Variants in NEURL1B observed in about 807,000 individuals in gnomAD.
The protein encoded by NEURL1B is E3 ubiquitin-protein ligase NEURL1B.
NEURL1B carries 13 observed loss-of-function variants against 37.4 expected under a neutral mutation model. The observed-to-expected ratio is 0.35, with a 90% CI of 0.23 to 0.55. The LOEUF is 0.55. Ranked by LOEUF, NEURL1B falls within the 20% of genes least tolerant of loss-of-function variation. The pLI is 0.89. For synonymous variants in NEURL1B, 432 were observed against 426.6 expected (o/e 1.01, Z -0.16); for missense variants, 790 against 879.2 (o/e 0.90, Z 1.28).
rs1261657180 is a variant in NEURL1B, at chr5:172,669,866, C to T, written c.113C>T (p.Ala38Val). The change falls in exon 2 of 5, where the codon GCG becomes GTG. Residue 38 changes from alanine to valine, a missense_variant. Ala to Val is a moderately conservative substitution (Grantham distance 64). Around this residue, in one of 3 missense-constraint regions of NEURL1B, gnomAD observed 215 missense variants for 309.2 expected, o/e 0.70. Coordinates refer to ENST00000369800, the MANE Select transcript of NEURL1B (RefSeq NM_001142651.3). ...GAGCGACGCCCGGTCCTGGGCGAGG[C>T]GCCGCGCTTCCACGCGCAGGCCAAA... ...GPERRPVLGE[A>V]PRFHAQAKGK... 2.1e-6 allele frequency: 3 copies of T among 1,399,616 alleles called. No homozygotes were observed. Among genetic ancestry groups the T allele is most frequent in the African/African-American group, 1.5e-5 (1 of 65,114 alleles). 86.7% of individuals were successfully genotyped at this position (1,399,616 alleles called of 1,614,324 possible). A position where few individuals can be genotyped will look rare whatever the true frequency, so the allele number is the denominator to read the frequency against.
rs1284127195 is a variant in NEURL1B at position 172,669,800 on chromosome 5, C to T, written c.47C>T (p.Ala16Val). 3 of 1,276,976 alleles carry T rather than the reference C, an allele frequency of 2.3e-6. No individual in the cohort carries two copies. The highest frequency in any genetic ancestry group is 2.0e-6 in the Non-Finnish European group (2 of 1,004,292). The allele number at this position is 1,276,976 out of a possible 1,614,324, so 79.1% of individuals were successfully genotyped here. The change falls in exon 2 of 5, where the codon GCG (alanine) becomes GTG (valine). Residue 16 changes from alanine (A) to valine (V), a missense_variant. Transcript: ENST00000369800. ...HRTLPDPSPP[A>V]RLLATRPCCG... ...CTTTCCGCAGACCCGAGCCCACCGGCGCGCCTCCTGGCCACCCGGCCGTGC... is the reference window on the plus strand; with the variant it reads ...CTTTCCGCAGACCCGAGCCCACCGGTGCGCCTCCTGGCCACCCGGCCGTGC...
intron 1 of NEURL1B, among the ~76,000 whole-genome samples, chr5:172,645,856 AG>A (rs1446945225): frequency 3.3e-5 from 5 of 152,176 alleles, no homozygotes; most frequent in African/African-American, 1.2e-4. Flanking sequence ...TGACTCAGAG[AG>A]GGAAAGTCAG....
In NEURL1B at chr5:172,641,546, G is replaced by C; in HGVS notation, c.31+109G>C. ...CCACGGCCCTTGGAGCCCTCGGCTC[G>C]CAGCGGGCTGGAGTCTCCGGTACCT... On this transcript the variant is annotated intron_variant, in intron 1 of 4. Transcript: ENST00000369800. The surrounding 1 kb of genome is among the most constrained non-coding windows in gnomAD (Gnocchi z 6.4). The C allele has an allele frequency of 3.0e-6, 3 of 998,130 alleles. No homozygotes were observed. Among genetic ancestry groups the C allele is most frequent in the Non-Finnish European group, 3.9e-6 (3 of 772,434 alleles). 61.8% of individuals were successfully genotyped at this position (998,130 alleles called of 1,614,324 possible). A position where few individuals can be genotyped will look rare whatever the true frequency, so the allele number is the denominator to read the frequency against.
At chr5:172,652,572 G>A (rs1757687466) in intron 1 of NEURL1B, among the ~76,000 whole-genome samples, 1 of 152,160 alleles carries the variant, frequency 6.6e-6, no homozygotes, top group South Asian at 2.1e-4. Context: ...ACAGAACGTT[G>A]GACCAACTAC....
rs1280635972 is a variant in NEURL1B, at chr5:172,686,651, T to G, written c.1424-30T>G. ...AGAGCCCACCTGAGAGAGACATTGT[T>G]AACATATGTCCTCTTCTCCCTTTCG... On this transcript the variant is annotated intron_variant, in intron 4 of 4. Coordinates refer to ENST00000369800, the MANE Select transcript of NEURL1B (RefSeq NM_001142651.3). This position sits in a 1 kb window ranked among gnomAD's most constrained non-coding sequence, Gnocchi z 7.9. 6.5e-7 allele frequency: 1 copy of G among 1,534,632 alleles called. No individual in the cohort carries two copies. Among genetic ancestry groups the G allele is most frequent in the Non-Finnish European group, 8.8e-7 (1 of 1,133,672 alleles).
rs1167411236 is a variant in NEURL1B at position 172,663,719 on chromosome 5, G to A, written c.32-6066G>A. On this transcript the variant is annotated intron_variant, in intron 1 of 4. Transcript: ENST00000369800. ...GGGCACGGCTCACTGGCTGGGGCCAGCACCCACCCAAGGCCAGCAGGGCCT... is the reference window on the plus strand; with the variant it reads ...GGGCACGGCTCACTGGCTGGGGCCAACACCCACCCAAGGCCAGCAGGGCCT... Among the ~76,000 whole-genome samples, 3 of 151,734 alleles carry A rather than the reference G, an allele frequency of 2.0e-5. No individual in the cohort carries two copies. In the East Asian group the frequency reaches 5.8e-4, roughly 29 times the overall value.
chr5:172,650,584 G>A (rs1416595076), intron 1 of NEURL1B, among the ~76,000 whole-genome samples: 3 of 152,190 alleles, frequency 2.0e-5, no homozygotes, highest in Admixed American at 6.5e-5. Context: ...GTATGATCCT[G>A]GGCAAGTCTG....
chr5:172,650,977 T>TA, intron 1 of NEURL1B, among the ~76,000 whole-genome samples: 1 of 152,116 alleles, frequency 6.6e-6, no homozygotes, highest in Non-Finnish European at 1.5e-5. Context: ...CTGAATGAGT[T>TA]AGAGTGGAGC....
At chr5:172,646,908 G>C (rs1229843157) in intron 1 of NEURL1B, among the ~76,000 whole-genome samples, 1 of 151,972 alleles carries the variant, frequency 6.6e-6, no homozygotes, top group African/African-American at 2.4e-5. Context: ...GTGCAAATGG[G>C]GGTGGGATGT....
chr5:172,675,903 T>G lies in NEURL1B; in HGVS notation c.577+5573T>G, dbSNP rs1581435262. ...TCAGGGATACTCAACTTATGTCTCT[T>G]TTCTATGGAAGCCCTTTCTGGAGGT... On this transcript the variant is annotated intron_variant, in intron 2 of 4. Coordinates refer to ENST00000369800, the MANE Select transcript of NEURL1B (RefSeq NM_001142651.3). This position sits in a 1 kb window ranked among gnomAD's most constrained non-coding sequence, Gnocchi z 4.7. 6.6e-6 allele frequency among the ~76,000 whole-genome samples: 1 copy of G among 152,158 alleles called. No individual in the cohort carries two copies. Among genetic ancestry groups the G allele is most frequent in the Non-Finnish European group, 1.5e-5 (1 of 68,018 alleles).
chr5:172,684,131 T>C lies in NEURL1B; in HGVS notation c.1290T>C (p.Arg430=). The change falls in exon 3 of 5, where the codon CGT becomes CGC. Residue 430 remains arginine, a synonymous_variant. Coordinates refer to ENST00000369800, the MANE Select transcript of NEURL1B (RefSeq NM_001142651.3). ...GCGGCGGCGTCGCGGGCCAGCTGCGTCTCCTCGGTGAGTCCCCGGCCCCGC... is the reference window on the plus strand; with the variant it reads ...GCGGCGGCGTCGCGGGCCAGCTGCGCCTCCTCGGTGAGTCCCCGGCCCCGC... ...AVRGGVAGQL[R]LLGTLQSSPA... The C allele has an allele frequency of 8.0e-7, 1 of 1,250,026 alleles. No individual in the cohort carries two copies. Among genetic ancestry groups the C allele is most frequent in the Non-Finnish European group, 1.0e-6 (1 of 996,678 alleles). 77.4% of individuals were successfully genotyped at this position (1,250,026 alleles called of 1,614,324 possible).
In NEURL1B at chr5:172,686,090, G is replaced by C. The variant is rs1758489259; in HGVS notation, c.1298-81G>C. On this transcript the variant is annotated intron_variant, in intron 3 of 4. Coordinates refer to ENST00000369800, the MANE Select transcript of NEURL1B (RefSeq NM_001142651.3). This position sits in a 1 kb window ranked among gnomAD's most constrained non-coding sequence, Gnocchi z 7.9. ...CCTCTCGTTAGACGGGAAAGCTAAG[G>C]TGCAAAGCAGTGAAGAACCATGGAC... 1.1e-5 allele frequency: 16 copies of C among 1,506,762 alleles called. No individual in the cohort carries two copies. The highest frequency in any genetic ancestry group is 1.4e-5 in the Non-Finnish European group (16 of 1,119,224). 93.3% of individuals were successfully genotyped at this position (1,506,762 alleles called of 1,614,324 possible).
chr5:172,658,664 G>A (rs1757838756), intron 1 of NEURL1B, among the ~76,000 whole-genome samples: 1 of 152,110 alleles, frequency 6.6e-6, no homozygotes, highest in Admixed American at 6.6e-5. Context: ...AGGCTGGTAT[G>A]AGTTCAAACA....
chr5:172,658,924 C>T (rs971769871), intron 1 of NEURL1B, among the ~76,000 whole-genome samples: 5 of 151,952 alleles, frequency 3.3e-5, no homozygotes, highest in Admixed American at 6.6e-5. Flanking sequence ...CAGTCACTTT[C>T]TTCCTTTTGT....
rs945885084 is a variant in NEURL1B at position 172,675,195 on chromosome 5, T to C, written c.577+4865T>C. ...CCTGGCCGAATGTATCTTTTAAAAA[T>C]AGGTAGATTTGTTTTATATGCTTAT... is the stretch of plus-strand genomic sequence containing the variant. On this transcript the variant is annotated intron_variant, in intron 2 of 4. Coordinates refer to ENST00000369800, the MANE Select transcript of NEURL1B (RefSeq NM_001142651.3). The surrounding 1 kb of genome is among the most constrained non-coding windows in gnomAD (Gnocchi z 4.7). Among the ~76,000 whole-genome samples, 1 of 152,124 alleles carries C rather than the reference T, an allele frequency of 6.6e-6. No individual in the cohort carries two copies. The highest frequency in any genetic ancestry group is 2.4e-5 in the African/African-American group (1 of 41,408).
rs1366195794 is a variant in NEURL1B at position 172,641,989 on chromosome 5, A to T, written c.31+552A>T. Among the ~76,000 whole-genome samples, 1 of 151,446 alleles carries T rather than the reference A, an allele frequency of 6.6e-6. No individual in the cohort carries two copies. The highest frequency in any genetic ancestry group is 3.4e-3 in the Middle Eastern group (1 of 292). On this transcript the variant is annotated intron_variant, in intron 1 of 4. Transcript: ENST00000369800. The surrounding 1 kb of genome is among the most constrained non-coding windows in gnomAD (Gnocchi z 6.4). ...CCCTCTGGTGTCCGCTCCACTGGGG[A>T]CTCCTTCGCCCCCTCGGAGTCGCTG...
At chr5:172,674,701 C>T (rs1581434557) in intron 2 of NEURL1B, among the ~76,000 whole-genome samples, 1 of 151,268 alleles carries the variant, frequency 6.6e-6, no homozygotes, top group African/African-American at 2.5e-5. Context: ...CTTCCTTCCT[C>T]CCTCCCTGCT....
chr5:172,670,209 C>A lies in NEURL1B; in HGVS notation c.456C>A (p.Gly152=). ...TVLAYWADRH[G]RVFYSVNDGE... Reference sequence around the variant, plus strand: ...TGGCCTACTGGGCCGACCGCCACGGCCGCGTGTTCTACAGCGTGAACGACG... The same window carrying A: ...TGGCCTACTGGGCCGACCGCCACGGACGCGTGTTCTACAGCGTGAACGACG... Residue 152 remains glycine, a synonymous_variant, in exon 2 of 5, where the codon GGC becomes GGA. Coordinates refer to ENST00000369800, the MANE Select transcript of NEURL1B (RefSeq NM_001142651.3). 1 of 1,453,348 alleles carries A rather than the reference C, an allele frequency of 6.9e-7. No homozygotes were observed. Among genetic ancestry groups the A allele is most frequent in the Non-Finnish European group, 9.0e-7 (1 of 1,107,110 alleles). The allele number at this position is 1,453,348 out of a possible 1,614,324, so 90.0% of individuals were successfully genotyped here.
intron 1 of NEURL1B, chr5:172,656,580 G>A (rs533618583): frequency 1.7e-5 from 28 of 1,611,004 alleles, no homozygotes; most frequent in African/African-American, 1.1e-4. Context: ...CGCGGCCTTC[G>A]CTTTTAGCTC....
Sources: allele counts gnomAD v4.1 joint callset (sites outside exome capture counted in the v4.1 genomes callset), GRCh38; gene constraint gnomAD v4.1.1; regional missense constraint gnomAD v4.1.1; non-coding constraint Gnocchi (gnomAD v3.1); transcripts MANE v1.5; gene names NCBI Gene and HGNC (gene_info 2026-07-23, HGNC 2026-07-21).